ITIH5: variants seen among roughly 807,000 people sequenced by gnomAD.
The protein encoded by ITIH5 is inter-alpha-trypsin inhibitor heavy chain H5.
Under a neutral mutation model 77.5 loss-of-function variants are expected in ITIH5, and 65 were observed. That is an observed-to-expected ratio of 0.84 (90% CI 0.69 to 1.03). The LOEUF is 1.03. ITIH5 is among the 50% of genes least tolerant of loss of function. The probability of loss-of-function intolerance (pLI) is 0.00; values close to 1 mark genes in which losing one functional copy is unlikely to be tolerated. For synonymous variants in ITIH5, 525 were observed against 494.3 expected (o/e 1.06, Z -0.82); for missense variants, 1,208 against 1,213.1 (o/e 1.00, Z 0.06).
At chr10:7,607,675 T>C (rs535181313) in intron 7 of ITIH5, among the ~76,000 whole-genome samples, 7 of 152,264 alleles carry the variant, frequency 4.6e-5, no homozygotes, top group African/African-American at 1.7e-4. Flanking sequence ...TAGCCAGGTG[T>C]GGCGGCGCAT....
chr10:7,604,487 T>C (rs144293589), intron 7 of ITIH5, among the ~76,000 whole-genome samples: 2 of 152,360 alleles, frequency 1.3e-5, no homozygotes, highest in Non-Finnish European at 2.9e-5. Context: ...CTCCGTCCTC[T>C]TTTCATTCTG....
At chr10:7,572,419 A>G (rs571792339) in intron 11 of ITIH5, 1 of 1,360,816 alleles carries the variant, frequency 7.3e-7, no homozygotes, top group Admixed American at 1.9e-5. Context: ...TGAAAACAAA[A>G]ACAAAGCCTG....
At chr10:7,653,675 T>C (rs879715882) in intron 2 of ITIH5, among the ~76,000 whole-genome samples, 1 of 152,162 alleles carries the variant, frequency 6.6e-6, no homozygotes, top group African/African-American at 2.4e-5. Context: ...ATAATACATA[T>C]AAATACAGAT....
chr10:7,627,827 CTTTTTTTT>C (rs869139058), intron 5 of ITIH5, among the ~76,000 whole-genome samples: 2 of 90,838 alleles, frequency 2.2e-5, no homozygotes, highest in African/African-American at 9.9e-5. Flanking sequence ...TGAAATTAAC[CTTTTTTTT>C]TTTTTTTTTT....
intron 12 of ITIH5, among the ~76,000 whole-genome samples, chr10:7,567,721 T>C (rs772350582): frequency 2.6e-5 from 4 of 152,170 alleles, no homozygotes; most frequent in South Asian, 2.1e-4. Context: ...CACTTAGGTG[T>C]TTGTCCTTAG....
chr10:7,588,142 G>A (rs1832719358), intron 7 of ITIH5, among the ~76,000 whole-genome samples: 1 of 152,192 alleles, frequency 6.6e-6, no homozygotes, highest in Middle Eastern at 3.2e-3. Context: ...CCAACACTTT[G>A]GGAGGCTGAG....
intron 5 of ITIH5, among the ~76,000 whole-genome samples, chr10:7,631,257 G>A (rs570309477): frequency 4.7e-4 from 71 of 152,242 alleles, no homozygotes; most frequent in African/African-American, 1.6e-3. Context: ...AAAAGCTCCC[G>A]TGGATTCTAA....
At chr10:7,650,383 A>T (rs1032664684) in intron 2 of ITIH5, among the ~76,000 whole-genome samples, 2 of 152,200 alleles carry the variant, frequency 1.3e-5, no homozygotes. Context: ...GGAGCGTGGC[A>T]GTTGGCTGAC....
intron 8 of ITIH5, among the ~76,000 whole-genome samples, chr10:7,583,675 C>G (rs968312443): frequency 3.9e-5 from 6 of 152,128 alleles, no homozygotes; most frequent in African/African-American, 1.4e-4. Context: ...TCTTAGTGCC[C>G]CTGGATGTGT....
chr10:7,563,294 TCTCC>T lies in ITIH5; in HGVS notation c.2614_2617del (p.Gly872ArgfsTer7), dbSNP rs766313151. 91 of 1,613,974 alleles carry T rather than the reference TCTCC, an allele frequency of 5.6e-5. No homozygotes were observed. Among genetic ancestry groups the T allele is most frequent in the Middle Eastern group, 4.9e-4 (3 of 6,084 alleles). ...CACTGTTAGGACGGCCTCAGGCCCC[TCTCC>T]CACCTGAAGGAGCAGAGGGTGAGTG... On this transcript the variant is annotated frameshift_variant, in exon 14 of 14. Coordinates refer to ENST00000397146, the MANE Select transcript of ITIH5 (RefSeq NM_030569.7). LOFTEE classifies it low-confidence loss of function (END_TRUNC).
At chr10:7,600,419 GA>G in intron 7 of ITIH5, 1 of 412,122 alleles carries the variant, frequency 2.4e-6, no homozygotes, top group Admixed American at 2.8e-5. Context: ...ACTGTCTCCT[GA>G]ACATCTCTGA....
chr10:7,637,133 G>C (rs1282899243), intron 5 of ITIH5, 95 bp downstream of exon 5: 1 of 1,432,244 alleles, frequency 7.0e-7, no homozygotes, highest in African/African-American at 1.4e-5. Context: ...CTTTGCTGAA[G>C]GGAAGGGTGC....
intron 7 of ITIH5, among the ~76,000 whole-genome samples, chr10:7,587,526 C>G (rs945326115): frequency 6.6e-6 from 1 of 152,202 alleles, no homozygotes; most frequent in Non-Finnish European, 1.5e-5. Flanking sequence ...GCCCTGGGGC[C>G]CTGAGCAGTA....
At chr10:7,624,273 C>T (rs757818274) in intron 5 of ITIH5, among the ~76,000 whole-genome samples, 1 of 151,552 alleles carries the variant, frequency 6.6e-6, no homozygotes, top group African/African-American at 2.4e-5. Context: ...TTTGGGAGGC[C>T]GAGGTAGGCA....
intron 11 of ITIH5, among the ~76,000 whole-genome samples, chr10:7,571,003 G>A (rs1390326073): frequency 1.3e-5 from 2 of 152,194 alleles, no homozygotes; most frequent in African/African-American, 4.8e-5. Flanking sequence ...GTAGGCAGGG[G>A]CCAGGCAGAG....
chr10:7,590,568 G>A (rs576822687), intron 7 of ITIH5, among the ~76,000 whole-genome samples: 7 of 152,300 alleles, frequency 4.6e-5, no homozygotes, highest in Admixed American at 1.3e-4. Context: ...TCTCTTTACT[G>A]TAACGTATCA....
chr10:7,603,875 G>A (rs1280047584), intron 7 of ITIH5, among the ~76,000 whole-genome samples: 2 of 152,112 alleles, frequency 1.3e-5, no homozygotes, highest in Non-Finnish European at 2.9e-5. Flanking sequence ...GAGCCACCAC[G>A]CCCGGCCTGA....
intron 7 of ITIH5, among the ~76,000 whole-genome samples, chr10:7,603,178 C>T (rs369192099): frequency 2.3e-4 from 35 of 152,254 alleles, no homozygotes; most frequent in East Asian, 1.5e-3. Context: ...CTAAAAAACG[C>T]GTGGTATATC....
intron 11 of ITIH5, among the ~76,000 whole-genome samples, chr10:7,571,004 C>T (rs1435404907): frequency 6.6e-6 from 1 of 152,140 alleles, no homozygotes; most frequent in Non-Finnish European, 1.5e-5. Flanking sequence ...TAGGCAGGGG[C>T]CAGGCAGAGT....
Sources: allele counts gnomAD v4.1 joint callset (sites outside exome capture counted in the v4.1 genomes callset), GRCh38; gene constraint gnomAD v4.1.1; transcripts MANE v1.5; gene names NCBI Gene and HGNC (gene_info 2026-07-23, HGNC 2026-07-21).